Variants in JMY observed in about 807,000 individuals in gnomAD.
JMY encodes the protein junction mediating and regulatory protein, p53 cofactor.
A neutral mutation model predicts 103.3 loss-of-function variants in JMY; 46 were observed. The ratio of observed to expected loss-of-function variants is 0.45; its 90% confidence interval spans 0.35 to 0.57. The LOEUF is 0.57. Among genes scored for constraint, JMY ranks in the 20% least tolerant of loss-of-function variants. JMY has a pLI of 0.00. For missense variants in JMY, 1,238 were observed against 1,255.2 expected (o/e 0.99, Z 0.21); for synonymous variants, 526 against 489.3 (o/e 1.07, Z -0.99).
intron 1 of JMY, among the ~76,000 whole-genome samples, chr5:79,273,904 C>A (rs1490946173): frequency 6.6e-6 from 1 of 152,070 alleles, no homozygotes; most frequent in African/African-American, 2.4e-5. Context: ...TATCTCGGCT[C>A]ACTGCAAGCT....
chr5:79,245,142 A>G (rs988269478), intron 1 of JMY, among the ~76,000 whole-genome samples: 1 of 152,220 alleles, frequency 6.6e-6, no homozygotes, highest in Non-Finnish European at 1.5e-5. Context: ...CTGATGGGTT[A>G]GACATTTCAC....
chr5:79,303,941 A>G (rs1425604403), intron 6 of JMY, among the ~76,000 whole-genome samples: 1 of 152,144 alleles, frequency 6.6e-6, no homozygotes, highest in East Asian at 1.9e-4. Flanking sequence ...GTGAGGGGTG[A>G]AGAGGAGCAA....
chr5:79,270,444 ATATATTTACATAAATATTTAAAATG>A (rs1745723528), intron 1 of JMY, among the ~76,000 whole-genome samples: 12 of 26,062 alleles, frequency 4.6e-4, no homozygotes, highest in East Asian at 8.3e-4. Context: ...TATTTAAAAT[ATATATTTACATAAATATTTAAAATG>A]TATATTTACA....
chr5:79,295,055 C>G (rs1746529743), intron 4 of JMY, among the ~76,000 whole-genome samples: 1 of 152,102 alleles, frequency 6.6e-6, no homozygotes, highest in Non-Finnish European at 1.5e-5. Flanking sequence ...TTATGATTAA[C>G]TAAGGTTATA....
chr5:79,304,343 A>G (rs77069996), intron 6 of JMY, among the ~76,000 whole-genome samples: 59 of 152,282 alleles, frequency 3.9e-4, no homozygotes, highest in East Asian at 3.5e-3. Context: ...ACATAATCCT[A>G]TATTCCCTTG....
At chr5:79,255,333 T>C (rs1245078826) in intron 1 of JMY, among the ~76,000 whole-genome samples, 4 of 152,080 alleles carry the variant, frequency 2.6e-5, no homozygotes, top group Non-Finnish European at 4.4e-5. Flanking sequence ...CTGACCTCAA[T>C]TGATCTGCTT....
In JMY at chr5:79,300,834, G is replaced by A; in HGVS notation, c.1852G>A (p.Ala618Thr). The change falls in exon 6 of 11, where the codon GCC becomes ACC. Residue 618 changes from alanine to threonine, a missense_variant. By Grantham distance (58) the Ala-to-Thr change is moderately conservative (BLOSUM62 0). Coordinates refer to ENST00000396137, the MANE Select transcript of JMY (RefSeq NM_152405.5). ...QLEARRGRVS[A>T]KKSYLRNKKE... The stretch of plus-strand genomic sequence containing the variant: ...GGAAGCAAGACGTGGACGGGTTTCT[G>A]CCAAGAAATCCTACCTCAGAAATAA... The A allele has an allele frequency of 2.5e-6, 4 of 1,593,254 alleles. No homozygotes were observed. The highest frequency in any genetic ancestry group is 1.2e-5 in the South Asian group (1 of 86,770).
chr5:79,264,017 C>G (rs141540367), intron 1 of JMY, among the ~76,000 whole-genome samples: 1 of 151,598 alleles, frequency 6.6e-6, no homozygotes, highest in Non-Finnish European at 1.5e-5. Context: ...AAACTCCTGA[C>G]CTCTGGTGAT....
Position 79,237,359 on chromosome 5 carries a change from G to T in JMY, c.709G>T (p.Asp237Tyr). The T allele has an allele frequency of 6.2e-7, 1 of 1,612,100 alleles. No individual in the cohort carries two copies. The highest frequency in any genetic ancestry group is 8.5e-7 in the Non-Finnish European group (1 of 1,179,444). The change falls in exon 1 of 11, where the codon GAC becomes TAC. Residue 237 changes from aspartate (D) to tyrosine (Y), a missense_variant. Asp to Tyr is a radical substitution (Grantham distance 160). Coordinates refer to ENST00000396137, the MANE Select transcript of JMY (RefSeq NM_152405.5). ...CTGGGCCGGACTGTTTTCTTTCCAG[G>T]ACCTGCGCGCCGTGCACCAGCAGCT... ...CSWAGLFSFQDLRAVHQQLCS... is the reference protein window; with the variant it reads ...CSWAGLFSFQYLRAVHQQLCS...
chr5:79,262,138 A>T (rs769042156), intron 1 of JMY, among the ~76,000 whole-genome samples: 13 of 152,160 alleles, frequency 8.5e-5, no homozygotes, highest in Non-Finnish European at 1.6e-4. Flanking sequence ...TTGTATTCTC[A>T]TTCAGATCCA....
chr5:79,300,887 A>C, intron 6 of JMY, 24 bp downstream of exon 6: 1 of 1,557,716 alleles, frequency 6.4e-7, no homozygotes, highest in Non-Finnish European at 8.7e-7. Flanking sequence ...GCTTTTGTTC[A>C]TTATTTAGTC....
At position 79,237,069 on chromosome 5, in the gene JMY, T is replaced by C. The variant is rs373421363; in HGVS notation, c.419T>C (p.Leu140Pro). 144 of 1,537,232 alleles carry C rather than the reference T, an allele frequency of 9.4e-5. 4 individuals are homozygous for C. In the South Asian group the frequency reaches 9.6e-4, roughly 10 times the overall value. ...SPGSKGAESR[L>P]RSPVRAKPIP... Reference sequence around the variant, plus strand: ...GGCAGCAAAGGGGCGGAGAGTCGTCTTAGGAGCCCAGTGCGGGCCAAACCC... The same window carrying C: ...GGCAGCAAAGGGGCGGAGAGTCGTCCTAGGAGCCCAGTGCGGGCCAAACCC... Residue 140 changes from leucine to proline, a missense_variant, in exon 1 of 11, where the codon CTT becomes CCT. Transcript: ENST00000396137.
chr5:79,300,767 GA>G lies in JMY; in HGVS notation c.1786del (p.Arg596GlufsTer61). On this transcript the variant is annotated frameshift_variant, in exon 6 of 11. Transcript: ENST00000396137. LOFTEE classifies it high-confidence loss of function. ...EEMAASAYLQ[R>X]EELQKLQQKA... ...AGATGGCAGCATCTGCGTACTTACA[GA>G]GAGAAGAGCTGCAGAAACTTCAGCA... 1.2e-6 allele frequency: 2 copies of G among 1,612,638 alleles called. No homozygotes were observed. Among genetic ancestry groups the G allele is most frequent in the Non-Finnish European group, 1.7e-6 (2 of 1,179,512 alleles).
At chr5:79,280,140 C>A (rs926087658) in intron 2 of JMY, among the ~76,000 whole-genome samples, 1 of 152,092 alleles carries the variant, frequency 6.6e-6, no homozygotes, top group African/African-American at 2.4e-5. Flanking sequence ...CACTGCCCAG[C>A]CTGGAAATTC....
Position 79,312,492 on chromosome 5 carries a change from T to C in JMY, c.2058T>C (p.Phe686=), listed in dbSNP as rs747485910. 19 of 1,539,144 alleles carry C rather than the reference T, an allele frequency of 1.2e-5. No homozygotes were observed. Among genetic ancestry groups the C allele is most frequent in the Non-Finnish European group, 1.4e-5 (16 of 1,140,166 alleles). The part of the protein sequence containing the change: ...RQRTLDRLRT[F]KQRYPGQVIL... ...GAACACTGGATAGACTTCGAACATTTAAACAGGTATTAAAAGTAATGGTCC... is the reference window on the plus strand; with the variant it reads ...GAACACTGGATAGACTTCGAACATTCAAACAGGTATTAAAAGTAATGGTCC... The change falls in exon 8 of 11, where the codon TTT becomes TTC. Residue 686 remains phenylalanine (F), a synonymous_variant. Transcript: ENST00000396137.
At chr5:79,320,860 T>C (rs1265269221) in intron 10 of JMY, among the ~76,000 whole-genome samples, 1 of 152,258 alleles carries the variant, frequency 6.6e-6, no homozygotes, top group Non-Finnish European at 1.5e-5. Context: ...TCAGTGTATG[T>C]TTTATATATA....
In JMY at chr5:79,277,994, G is replaced by A; in HGVS notation, c.1117G>A (p.Ala373Thr). 3.1e-6 allele frequency: 5 copies of A among 1,614,034 alleles called. No individual in the cohort carries two copies. The highest frequency in any genetic ancestry group is 4.2e-6 in the Non-Finnish European group (5 of 1,179,938). Residue 373 changes from alanine to threonine, a missense_variant, in exon 2 of 11, where the codon GCA (alanine) becomes ACA (threonine). Ala to Thr is a moderately conservative substitution (Grantham distance 58). Coordinates refer to ENST00000396137, the MANE Select transcript of JMY (RefSeq NM_152405.5). ...GGAGGATGAAGCCTACAGCAGCCTTGCAGAAGCTACAACCGAACTCTATCA... is the reference window on the plus strand; with the variant it reads ...GGAGGATGAAGCCTACAGCAGCCTTACAGAAGCTACAACCGAACTCTATCA... ...QMEDEAYSSLAEATTELYQYL... is the reference protein window; with the variant it reads ...QMEDEAYSSLTEATTELYQYL...
At chr5:79,239,809 CA>C (rs572504314) in intron 1 of JMY, among the ~76,000 whole-genome samples, 66 of 110,128 alleles carry the variant, frequency 6.0e-4, no homozygotes, top group Middle Eastern at 4.5e-3. Flanking sequence ...GACTCCGTCT[CA>C]AAAAAAAAAA....
chr5:79,259,479 G>A, intron 1 of JMY, among the ~76,000 whole-genome samples: 1 of 152,228 alleles, frequency 6.6e-6, no homozygotes, highest in African/African-American at 2.4e-5. Context: ...TGAAGGTGGT[G>A]CTTCACCAAG....
Sources: allele counts gnomAD v4.1 joint callset (sites outside exome capture counted in the v4.1 genomes callset), GRCh38; gene constraint gnomAD v4.1.1; transcripts MANE v1.5; gene names NCBI Gene and HGNC (gene_info 2026-07-23, HGNC 2026-07-21).